The following IFT43 variants were observed in gnomAD, a reference collection of about 807,000 sequenced individuals.
The protein encoded by IFT43 is intraflagellar transport protein 43 homolog.
In IFT43, 33 loss-of-function variants were observed where a neutral mutation model predicts 32.3. That is an observed-to-expected ratio of 1.02 (90% confidence interval 0.77 to 1.37). The LOEUF is 1.37. Ranked by LOEUF, IFT43 falls within the 40% of genes most tolerant of loss-of-function variation. The pLI, the probability that IFT43 is intolerant of heterozygous loss-of-function variation, is 0.00. For missense variants in IFT43, 274 were observed against 265.9 expected (o/e 1.03, Z -0.21); for synonymous variants, 93 against 98.2 (o/e 0.95, Z 0.31).
At chr14:76,007,203 G>A (rs2035995970) in intron 2 of IFT43, among the ~76,000 whole-genome samples, 1 of 152,222 alleles carries the variant, frequency 6.6e-6, no homozygotes. Flanking sequence ...AGTGAAATGT[G>A]TACTAATTTG....
chr14:76,076,711 T>C lies in IFT43; in HGVS notation c.296-5584T>C. 1.2e-6 allele frequency: 2 copies of C among 1,613,930 alleles called. No individual in the cohort carries two copies. ...AGGCAGGTAGGCTTTTGACTGTCAG[T>C]CTACGGGAACTGAAAAGGATCCTTC... On this transcript the variant is annotated intron_variant, in intron 5 of 8. Coordinates refer to ENST00000314067, the MANE Select transcript of IFT43 (RefSeq NM_001102564.3).
chr14:76,025,024 A>C (rs2036363612), intron 3 of IFT43, among the ~76,000 whole-genome samples: 1 of 152,210 alleles, frequency 6.6e-6, no homozygotes, highest in Admixed American at 6.5e-5. Context: ...TCCAGTTCTA[A>C]AGACTGGATT....
intron 5 of IFT43, among the ~76,000 whole-genome samples, chr14:76,059,812 A>G (rs937958414): frequency 1.3e-5 from 2 of 152,230 alleles, no homozygotes; most frequent in Non-Finnish European, 2.9e-5. Context: ...TAGTACTACT[A>G]TTATCCCCAT....
chr14:76,044,426 G>A (rs779143383), intron 3 of IFT43, among the ~76,000 whole-genome samples: 4 of 152,220 alleles, frequency 2.6e-5, no homozygotes, highest in Admixed American at 6.5e-5. Context: ...CTGTTCCCAT[G>A]GAGTTGAAGT....
In IFT43 at chr14:76,025,362, C is replaced by A. The variant is rs554227957; in HGVS notation, c.215+2968C>A. ...TGAAGACTCAATATTGTTAAAATGA[C>A]CATACAGGCAAAAGCAACTTATAGA... On this transcript the variant is annotated intron_variant, in intron 3 of 8. Coordinates refer to ENST00000314067, the MANE Select transcript of IFT43 (RefSeq NM_001102564.3). Among the ~76,000 whole-genome samples the A allele has an allele frequency of 3.3e-5, 5 of 152,088 alleles. No individual in the cohort carries two copies. The East Asian group carries it at 9.7e-4, about 29-fold the overall frequency.
At chr14:76,077,166 C>A (rs898601157) in intron 5 of IFT43, among the ~76,000 whole-genome samples, 3 of 152,188 alleles carry the variant, frequency 2.0e-5, no homozygotes, top group African/African-American at 7.2e-5. Context: ...TTGAATGACT[C>A]TTCCTCTGAA....
chr14:76,007,172 CA>C (rs2035995151), intron 2 of IFT43, among the ~76,000 whole-genome samples: 1 of 152,112 alleles, frequency 6.6e-6, no homozygotes, highest in Non-Finnish European at 1.5e-5. Flanking sequence ...GGCCACTTTT[CA>C]AATGGTATAT....
chr14:76,001,758 A>G (rs540821960), intron 2 of IFT43, among the ~76,000 whole-genome samples: 1 of 152,320 alleles, frequency 6.6e-6, no homozygotes, highest in East Asian at 1.9e-4. Flanking sequence ...GAAGTCCAAG[A>G]TCAATGTGCT....
intron 3 of IFT43, among the ~76,000 whole-genome samples, chr14:76,037,422 A>G (rs958911580): frequency 2.0e-5 from 3 of 152,236 alleles, no homozygotes; most frequent in Non-Finnish European, 2.9e-5. Flanking sequence ...TGCTAGAGCC[A>G]TGATTTCATT....
chr14:76,081,182 G>A (rs17183970), intron 5 of IFT43, among the ~76,000 whole-genome samples: 7,389 of 152,314 alleles, frequency 0.049, 236 homozygotes, highest in Admixed American at 0.099. Flanking sequence ...TCGAAATCAC[G>A]AATTGCCTGA....
intron 2 of IFT43, among the ~76,000 whole-genome samples, chr14:75,999,251 A>AAATTCAT (rs57696977): frequency 1.3e-4 from 2 of 15,240 alleles, no homozygotes; most frequent in South Asian, 2.3e-3. Flanking sequence ...ATATATATAT[A>AAATTCAT]TATATATATA....
intron 3 of IFT43, among the ~76,000 whole-genome samples, chr14:76,054,940 T>C (rs1039382052): frequency 1.3e-5 from 2 of 152,254 alleles, no homozygotes; most frequent in Admixed American, 6.5e-5. Flanking sequence ...AGAACTTCCA[T>C]ATCAGATTCT....
intron 2 of IFT43, among the ~76,000 whole-genome samples, chr14:75,995,344 TTTG>T (rs1293032517): frequency 1.3e-5 from 2 of 152,138 alleles, no homozygotes; most frequent in East Asian, 3.9e-4. Flanking sequence ...TTGGGGTCCT[TTTG>T]GAATGGGAGT....
intron 3 of IFT43, among the ~76,000 whole-genome samples, chr14:76,044,489 T>G (rs1280779322): frequency 6.6e-6 from 1 of 152,156 alleles, no homozygotes; most frequent in African/African-American, 2.4e-5. Flanking sequence ...CCAGAAACTC[T>G]CAGAACCTAG....
At chr14:76,042,485 C>T (rs1255921450) in intron 3 of IFT43, among the ~76,000 whole-genome samples, 1 of 152,158 alleles carries the variant, frequency 6.6e-6, no homozygotes, top group Non-Finnish European at 1.5e-5. Flanking sequence ...CCAACATGTT[C>T]AGCTTGTGAG....
chr14:76,058,459 C>T, intron 3 of IFT43, 183 bp from the exon 4 acceptor site: 1 of 596,512 alleles, frequency 1.7e-6, no homozygotes, highest in Non-Finnish European at 2.9e-6. Flanking sequence ...TGTAAGAAGG[C>T]ACTACAGCAT....
At chr14:76,016,987 T>A in intron 2 of IFT43, among the ~76,000 whole-genome samples, 1 of 152,184 alleles carries the variant, frequency 6.6e-6, no homozygotes, top group Admixed American at 6.5e-5. Context: ...TCATATCATC[T>A]GCAAAGAGGG....
intron 3 of IFT43, among the ~76,000 whole-genome samples, chr14:76,045,503 A>G (rs1417701825): frequency 6.6e-6 from 1 of 152,244 alleles, no homozygotes; most frequent in Non-Finnish European, 1.5e-5. Flanking sequence ...TCCCATTAAC[A>G]GAAGCTTAAA....
At position 76,083,642 on chromosome 14, in the gene IFT43, C is replaced by G. The variant is rs1300226569; in HGVS notation, c.*65C>G. The G allele has an allele frequency of 6.6e-7, 1 of 1,517,926 alleles. No homozygotes were observed. Among genetic ancestry groups the G allele is most frequent in the South Asian group, 1.1e-5 (1 of 88,844 alleles). 94.0% of individuals were successfully genotyped at this position (1,517,926 alleles called of 1,614,324 possible). A position where few individuals can be genotyped will look rare whatever the true frequency, so the allele number is the denominator to read the frequency against. On this transcript the variant is annotated 3_prime_UTR_variant, in exon 9 of 9. Transcript: ENST00000314067. ...GCTTAAAGCTAAAGAAGCTTGTAAGCAGCTCCGAATTTTTACCTGGAATAT... is the reference window on the plus strand; with the variant it reads ...GCTTAAAGCTAAAGAAGCTTGTAAGGAGCTCCGAATTTTTACCTGGAATAT...
Sources: allele counts gnomAD v4.1 joint callset (sites outside exome capture counted in the v4.1 genomes callset), GRCh38; gene constraint gnomAD v4.1.1; transcripts MANE v1.5; gene names NCBI Gene and HGNC (gene_info 2026-07-23, HGNC 2026-07-21).